The following ZNF84 variants were observed in gnomAD, a reference collection of about 807,000 sequenced individuals.
ZNF84 encodes zinc finger protein 84, also known as zinc finger protein HPF2.
In ZNF84, 12 loss-of-function variants were observed where a neutral mutation model predicts 14.8. That is an observed-to-expected ratio of 0.81 (90% CI 0.52 to 1.31). The LOEUF is 1.31. Ranked by LOEUF, ZNF84 falls within the 50% of genes most tolerant of loss-of-function variation. The pLI, the probability that ZNF84 is intolerant of heterozygous loss-of-function variation, is 0.00. For missense variants in ZNF84, 859 were observed against 878.6 expected (o/e 0.98, Z 0.28); for synonymous variants, 347 against 291.1 (o/e 1.19, Z -1.96).
intron 4 of ZNF84, 30 bp from the exon 5 acceptor site, chr12:133,056,920 ACAAC>A (rs1954170033): frequency 1.5e-5 from 23 of 1,514,746 alleles, no homozygotes; most frequent in Non-Finnish European, 1.9e-5. Flanking sequence ...TTTAGAAAGC[ACAAC>A]CAAACAGATT....
chr12:133,057,665 A>G lies in ZNF84; in HGVS notation c.950A>G (p.Lys317Arg). The G allele has an allele frequency of 6.2e-7, 1 of 1,614,114 alleles. No individual in the cohort carries two copies. Among genetic ancestry groups the G allele is most frequent in the Non-Finnish European group, 8.5e-7 (1 of 1,180,014 alleles). The part of the protein sequence containing the change: ...ISHWRTHTGE[K>R]PYGCNECGRA... ...CATTGGAGAACACACACAGGAGAGA[A>G]ACCCTATGGATGCAATGAATGTGGG... is the stretch of plus-strand genomic sequence containing the variant. The change falls in exon 5 of 5, where the codon AAA (lysine) becomes AGA (arginine). Residue 317 changes from lysine (K) to arginine (R), a missense_variant. Transcript: ENST00000539354.
chr12:133,047,566 G>A (rs1954003268), intron 2 of ZNF84: 1 of 157,046 alleles, frequency 6.4e-6, no homozygotes, highest in Non-Finnish European at 1.4e-5. Flanking sequence ...AACCAGGCCC[G>A]ACCCTGCTTA....
Position 133,058,575 on chromosome 12 carries a change from T to G in ZNF84, c.1860T>G (p.Thr620=). The G allele has an allele frequency of 2.5e-6, 4 of 1,613,960 alleles. No homozygotes were observed. Among genetic ancestry groups the G allele is most frequent in the Non-Finnish European group, 1.7e-6 (2 of 1,179,982 alleles). Residue 620 remains threonine (T), a synonymous_variant, in exon 5 of 5, where the codon ACT becomes ACG. Coordinates refer to ENST00000539354, the MANE Select transcript of ZNF84 (RefSeq NM_001289971.2). The part of the protein sequence containing the change: ...EKSELIRHLR[T]HTGEKPYECN... Reference sequence around the variant, plus strand: ...CGGAGCTAATTAGACATCTGAGAACTCATACAGGAGAAAAACCTTATGAAT... The same window carrying G: ...CGGAGCTAATTAGACATCTGAGAACGCATACAGGAGAAAAACCTTATGAAT...
chr12:133,038,506 A>G (rs1226406542), intron 1 of ZNF84, among the ~76,000 whole-genome samples: 2 of 151,576 alleles, frequency 1.3e-5, no homozygotes, highest in Admixed American at 6.6e-5. Context: ...GGCTGCAGTG[A>G]GCTATGGTTA....
intron 2 of ZNF84, among the ~76,000 whole-genome samples, chr12:133,044,835 A>T (rs1319627582): frequency 1.3e-5 from 2 of 151,524 alleles, no homozygotes; most frequent in African/African-American, 2.4e-5. Flanking sequence ...AATCGCTTGA[A>T]CCTGGGAGGT....
chr12:133,052,342 TC>T (rs1222708557), intron 4 of ZNF84, among the ~76,000 whole-genome samples: 12 of 152,092 alleles, frequency 7.9e-5, no homozygotes, highest in African/African-American at 2.7e-4. Flanking sequence ...TTGTGGGGTT[TC>T]TTTTTTCTTT....
At chr12:133,047,858 A>C in intron 2 of ZNF84, 97 bp from the exon 3 acceptor site, 1 of 1,396,690 alleles carries the variant, frequency 7.2e-7, no homozygotes, top group Non-Finnish European at 9.9e-7. Context: ...CATTTTGTAT[A>C]ACTTGTTATG....
intron 2 of ZNF84, among the ~76,000 whole-genome samples, chr12:133,046,347 G>GGTTTGTTTTTTT (rs1953976790): frequency 1.7e-5 from 2 of 116,406 alleles, no homozygotes; most frequent in Non-Finnish European, 1.7e-5. Flanking sequence ...AGTCCTCACA[G>GGTTTGTTTTTTT]TTTTTTTTTT....
chr12:133,046,061 G>T (rs1404321467), intron 2 of ZNF84, among the ~76,000 whole-genome samples: 1 of 151,414 alleles, frequency 6.6e-6, no homozygotes, highest in Non-Finnish European at 1.5e-5. Flanking sequence ...TTTTCTGGTG[G>T]CATTCTAGAT....
chr12:133,045,917 G>C (rs1425279488), intron 2 of ZNF84, among the ~76,000 whole-genome samples: 1 of 151,678 alleles, frequency 6.6e-6, no homozygotes, highest in Non-Finnish European at 1.5e-5. Flanking sequence ...GGTATTATTT[G>C]ATAGTGTCAT....
Position 133,043,338 on chromosome 12 carries a change from G to C in ZNF84, c.15+1856G>C, listed in dbSNP as rs1411875587. 7.2e-5 allele frequency among the ~76,000 whole-genome samples: 11 copies of C among 152,050 alleles called. 1 individual carries two copies. Among genetic ancestry groups the C allele is most frequent in the Non-Finnish European group, 1.6e-4 (11 of 67,994 alleles). On this transcript the variant is annotated intron_variant, in intron 2 of 4. Coordinates refer to ENST00000539354, the MANE Select transcript of ZNF84 (RefSeq NM_001289971.2). ...CGCTCCCACGCCTGGCTAATTTTTT[G>C]TATTTTAGCAGAGACGGGGTTTCAC...
chr12:133,053,974 A>T (rs1315369607), intron 4 of ZNF84, among the ~76,000 whole-genome samples: 1 of 152,168 alleles, frequency 6.6e-6, no homozygotes, highest in Non-Finnish European at 1.5e-5. Flanking sequence ...TTCAGTTGAC[A>T]TTTAAATTTG....
chr12:133,058,031 CCTT>C lies in ZNF84; in HGVS notation c.1319_1321del (p.Phe440del). 1.2e-6 allele frequency: 2 copies of C among 1,613,906 alleles called. No homozygotes were observed. The highest frequency in any genetic ancestry group is 1.7e-6 in the Non-Finnish European group (2 of 1,180,004). ...CATGGATGCATTCAGTGTGGGAAGG[CCTT>C]CTCCCAGAAGTCACATCTCATATCA... On this transcript the variant is annotated inframe_deletion, in exon 5 of 5. Coordinates refer to ENST00000539354, the MANE Select transcript of ZNF84 (RefSeq NM_001289971.2).
At chr12:133,056,753 T>C (rs1258257672) in intron 4 of ZNF84, among the ~76,000 whole-genome samples, 1 of 152,228 alleles carries the variant, frequency 6.6e-6, no homozygotes, top group Non-Finnish European at 1.5e-5. Context: ...GATGACTTAA[T>C]CTCCAGTCAG....
chr12:133,048,964 G>T (rs920244913), intron 4 of ZNF84, 116 bp downstream of exon 4: 1 of 746,774 alleles, frequency 1.3e-6, no homozygotes, highest in East Asian at 2.8e-5. Context: ...TGGCTGGTCA[G>T]TGACGGGTGG....
chr12:133,052,546 G>T (rs1593708239), intron 4 of ZNF84, among the ~76,000 whole-genome samples: 1 of 152,120 alleles, frequency 6.6e-6, no homozygotes, highest in African/African-American at 2.4e-5. Flanking sequence ...TGTGGTCCAG[G>T]CTCCTCTGAA....
chr12:133,055,651 ATGTT>A (rs1266571355), intron 4 of ZNF84, among the ~76,000 whole-genome samples: 1 of 152,224 alleles, frequency 6.6e-6, no homozygotes, highest in Non-Finnish European at 1.5e-5. Flanking sequence ...TCACAATGCA[ATGTT>A]TGTTTAATAT....
At position 133,058,184 on chromosome 12, in the gene ZNF84, G is replaced by T; in HGVS notation, c.1469G>T (p.Ser490Ile). Residue 490 changes from serine to isoleucine, a missense_variant, in exon 5 of 5, where the codon AGT becomes ATT. By Grantham distance (142) the Ser-to-Ile change is moderately radical. Coordinates refer to ENST00000539354, the MANE Select transcript of ZNF84 (RefSeq NM_001289971.2). ...THTGEKPYEC[S>I]ECGKAFSEKL... is the part of the protein sequence containing the mutation. ...ACGGGAGAAAAACCGTATGAATGCA[G>T]TGAGTGTGGGAAAGCTTTCAGTGAA... The T allele has an allele frequency of 1.2e-6, 2 of 1,614,054 alleles. No homozygotes were observed. The highest frequency in any genetic ancestry group is 2.2e-5 in the East Asian group (1 of 44,886).
intron 1 of ZNF84, chr12:133,040,732 A>G (rs1216309754): frequency 6.6e-6 from 1 of 152,224 alleles, no homozygotes; most frequent in Admixed American, 6.5e-5. Context: ...AGCCATAAGC[A>G]TATAATCCAA....
Sources: allele counts gnomAD v4.1 joint callset (sites outside exome capture counted in the v4.1 genomes callset), GRCh38; gene constraint gnomAD v4.1.1; transcripts MANE v1.5; gene names NCBI Gene and HGNC (gene_info 2026-07-23, HGNC 2026-07-21).